The following WWP2 variants were observed in gnomAD, a reference collection of about 807,000 sequenced individuals.
WWP2 encodes the protein WW domain containing E3 ubiquitin protein ligase 2, also known as NEDD4-like E3 ubiquitin-protein ligase WWP2.
A neutral mutation model predicts 121.0 loss-of-function variants in WWP2; 57 were observed. The ratio of observed to expected loss-of-function variants is 0.47; its 90% CI spans 0.38 to 0.59. WWP2 has a LOEUF of 0.59. Ranked by LOEUF, WWP2 falls within the 20% of genes least tolerant of loss-of-function variation. WWP2 has a pLI of 0.00. For synonymous variants in WWP2, 449 were observed against 441.3 expected, an observed-to-expected ratio of 1.02 and a Z score of -0.22; for missense variants, 962 against 1,158.9, an observed-to-expected ratio of 0.83 and a Z score of 2.47.
chr16:69,776,012 G>T lies in WWP2; in HGVS notation c.-15-10984G>T, dbSNP rs1341340393. Among the ~76,000 whole-genome samples the T allele has an allele frequency of 3.3e-5, 5 of 152,136 alleles. No individual in the cohort carries two copies. The East Asian group carries it at 9.6e-4, about 29-fold the overall frequency. ...TTCCCTAAAAACTCCTTCTTAAATA[G>T]AGTGTATGCCTTTCAGCCCTAATTC... On this transcript the variant is annotated intron_variant, in intron 1 of 23. Transcript: ENST00000359154.
chr16:69,938,357 T>G (rs903036200), intron 21 of WWP2, among the ~76,000 whole-genome samples: 1 of 152,210 alleles, frequency 6.6e-6, no homozygotes, highest in African/African-American at 2.4e-5. Context: ...CTTTCCACTT[T>G]GGGTTCCTTG....
At chr16:69,866,861 G>A (rs1450023202) in intron 6 of WWP2, among the ~76,000 whole-genome samples, 4 of 150,016 alleles carry the variant, frequency 2.7e-5, no homozygotes, top group South Asian at 2.1e-4. Context: ...TTTTTGAGAC[G>A]GAGTCTCGCT....
intron 8 of WWP2, among the ~76,000 whole-genome samples, chr16:69,892,208 A>T (rs2058039315): frequency 6.6e-6 from 1 of 152,008 alleles, no homozygotes; most frequent in Non-Finnish European, 1.5e-5. Flanking sequence ...TTTTAATTAT[A>T]CTTTAAGTTC....
At chr16:69,818,498 C>T (rs1166772165) in intron 4 of WWP2, among the ~76,000 whole-genome samples, 2 of 152,112 alleles carry the variant, frequency 1.3e-5, no homozygotes, top group Non-Finnish European at 2.9e-5. Flanking sequence ...TGAGCCACGG[C>T]GCCTGACCTC....
intron 16 of WWP2, 58 bp from the exon 17 acceptor site, chr16:69,933,912 G>A (rs1347652386): frequency 6.4e-7 from 1 of 1,571,450 alleles, no homozygotes; most frequent in Non-Finnish European, 8.7e-7. Context: ...CACAGCTCCT[G>A]TGCAGATGTG....
At chr16:69,835,718 A>T (rs1344058499) in intron 4 of WWP2, among the ~76,000 whole-genome samples, 2 of 152,190 alleles carry the variant, frequency 1.3e-5, no homozygotes, top group Non-Finnish European at 2.9e-5. Flanking sequence ...TCTTCTAAAA[A>T]GTCACTTGAA....
intron 6 of WWP2, among the ~76,000 whole-genome samples, chr16:69,871,464 ATTCT>A (rs1484578028): frequency 6.6e-6 from 1 of 152,164 alleles, no homozygotes; most frequent in Non-Finnish European, 1.5e-5. Context: ...CTGTCCAGTG[ATTCT>A]TGTTTATTTG....
intron 7 of WWP2, among the ~76,000 whole-genome samples, chr16:69,878,488 A>G (rs1294018089): frequency 1.3e-5 from 2 of 152,176 alleles, no homozygotes. Context: ...AGTTTTAATT[A>G]TGCAGCATGA....
chr16:69,841,007 A>G (rs1054665328), intron 5 of WWP2, among the ~76,000 whole-genome samples: 1 of 152,192 alleles, frequency 6.6e-6, no homozygotes, highest in Non-Finnish European at 1.5e-5. Flanking sequence ...AAAATCCCTT[A>G]ACTGGACTGA....
chr16:69,838,946 T>C, intron 4 of WWP2: 5 of 967,828 alleles, frequency 5.2e-6, no homozygotes, highest in Non-Finnish European at 6.1e-6. Context: ...AATTTTCTGC[T>C]AAGTTCTTAA....
Position 69,822,961 on chromosome 16 carries a change from G to C in WWP2, c.341-17165G>C, listed in dbSNP as rs140253209. Among the ~76,000 whole-genome samples the C allele has an allele frequency of 2.2e-3, 334 of 152,246 alleles. 2 individuals are homozygous for C. The highest frequency in any genetic ancestry group is 5.6e-3 in the South Asian group (27 of 4,830). ...AGACCAGCCTGGCCAACATGACAAA[G>C]CTCCATCTTTACTAAAAGTACAAAA... On this transcript the variant is annotated intron_variant, in intron 4 of 23. Transcript: ENST00000359154.
In WWP2 at chr16:69,840,157, G is replaced by A; in HGVS notation, c.372G>A (p.Gln124=). The A allele has an allele frequency of 2.5e-6, 4 of 1,614,270 alleles. No homozygotes were observed. The highest frequency in any genetic ancestry group is 3.4e-6 in the Non-Finnish European group (4 of 1,180,050). The change falls in exon 5 of 24, where the codon CAG becomes CAA. Residue 124 remains glutamine, a synonymous_variant. Transcript: ENST00000359154. ...ACATGCAGCTGACCCTGAACCTGCA[G>A]ACGGAGAACAAAGGCAGCGTTGTCT... ...MENMQLTLNL[Q]TENKGSVVSG... is the part of the protein sequence containing the mutation.
chr16:69,838,356 C>T (rs1055227079), intron 4 of WWP2, among the ~76,000 whole-genome samples: 3 of 151,900 alleles, frequency 2.0e-5, no homozygotes, highest in African/African-American at 7.3e-5. Flanking sequence ...TGACCACACC[C>T]CCTCTTAATC....
intron 1 of WWP2, among the ~76,000 whole-genome samples, chr16:69,768,142 C>T (rs181782008): frequency 3.9e-4 from 59 of 152,200 alleles, no homozygotes; most frequent in Admixed American, 9.2e-4. Flanking sequence ...CTGGCTAGGG[C>T]TCTGGAATTT....
At chr16:69,838,905 C>G (rs2151868900) in intron 4 of WWP2, 2 of 979,608 alleles carry the variant, frequency 2.0e-6, no homozygotes, top group African/African-American at 1.8e-5. Context: ...TGGTTTCTAT[C>G]TTATTATAAT....
At chr16:69,847,047 G>T (rs905593517) in intron 6 of WWP2, among the ~76,000 whole-genome samples, 3 of 151,726 alleles carry the variant, frequency 2.0e-5, no homozygotes, top group African/African-American at 7.3e-5. Context: ...GTGTGTGCCA[G>T]GCCCTACACC....
At chr16:69,928,526 A>C (rs935347800) in intron 11 of WWP2, among the ~76,000 whole-genome samples, 1 of 152,274 alleles carries the variant, frequency 6.6e-6, no homozygotes. Context: ...GAGAACAGAG[A>C]TTGTTCAGAG....
At position 69,931,847 on chromosome 16, in the gene WWP2, A is replaced by T; in HGVS notation, c.1639A>T (p.Ile547Phe). 6.2e-7 allele frequency: 1 copy of T among 1,613,662 alleles called. No homozygotes were observed. The highest frequency in any genetic ancestry group is 8.5e-7 in the Non-Finnish European group (1 of 1,179,976). ...TGACCTGCGCCGCCGGCTCTACATC[A>T]TCATGCGTGGCGAGGAGGGCCTGGA... Reference protein sequence around the residue: ...PYDLRRRLYIIMRGEEGLDYG... With the variant: ...PYDLRRRLYIFMRGEEGLDYG... The change falls in exon 16 of 24, where the codon ATC (isoleucine) becomes TTC (phenylalanine). Residue 547 changes from isoleucine (I) to phenylalanine (F), a missense_variant. Transcript: ENST00000359154.
At chr16:69,780,083 T>G (rs1193206666) in intron 1 of WWP2, among the ~76,000 whole-genome samples, 1 of 152,194 alleles carries the variant, frequency 6.6e-6, no homozygotes, top group African/African-American at 2.4e-5. Context: ...CCAATTCCCC[T>G]GCTCCCTCCT....
Sources: allele counts gnomAD v4.1 joint callset (sites outside exome capture counted in the v4.1 genomes callset), GRCh38; gene constraint gnomAD v4.1.1; transcripts MANE v1.5; gene names NCBI Gene and HGNC (gene_info 2026-07-23, HGNC 2026-07-21).